Variants in DGKB observed in about 807,000 individuals in gnomAD.
DGKB encodes the protein diacylglycerol kinase beta.
Under a neutral mutation model 114.3 loss-of-function variants are expected in DGKB, and 67 were observed. That is an observed-to-expected ratio of 0.59 (90% CI 0.48 to 0.72). DGKB has a LOEUF of 0.72. Among genes scored for constraint, DGKB ranks in the 30% least tolerant of loss-of-function variants. The pLI is 0.00. For missense variants in DGKB, 907 were observed against 975.2 expected, an observed-to-expected ratio of 0.93 and a Z score of 0.93; for synonymous variants, 398 against 323.1, an observed-to-expected ratio of 1.23 and a Z score of -2.49.
At chr7:14,742,101 C>T (rs568149491) in intron 4 of DGKB, among the ~76,000 whole-genome samples, 1 of 152,054 alleles carries the variant, frequency 6.6e-6, no homozygotes, top group Non-Finnish European at 1.5e-5. Flanking sequence ...ATAATGTATT[C>T]CATTTTTGGA....
chr7:14,309,642 T>C (rs369359118), intron 23 of DGKB, among the ~76,000 whole-genome samples: 2 of 152,228 alleles, frequency 1.3e-5, no homozygotes, highest in East Asian at 3.8e-4. Context: ...TTTCACAAGA[T>C]AGTATCTTCT....
At chr7:14,952,703 G>T (rs1277113415) in intron 1 of DGKB, among the ~76,000 whole-genome samples, 2 of 151,986 alleles carry the variant, frequency 1.3e-5, no homozygotes, top group Non-Finnish European at 2.9e-5. Context: ...TTGCAGCAGT[G>T]AGCAGAGATC....
intron 12 of DGKB, 134 bp from the exon 13 acceptor site, chr7:14,673,161 GT>G: frequency 1.8e-6 from 1 of 563,842 alleles, no homozygotes; most frequent in Non-Finnish European, 3.1e-6. Flanking sequence ...AATAAACAGA[GT>G]CATAAAGGAA....
At chr7:14,226,535 G>A (rs1198138219) in intron 23 of DGKB, among the ~76,000 whole-genome samples, 1 of 151,778 alleles carries the variant, frequency 6.6e-6, no homozygotes, top group African/African-American at 2.4e-5. Context: ...ATTTTAATTG[G>A]CATTCTGCAA....
intron 1 of DGKB, among the ~76,000 whole-genome samples, chr7:14,850,054 A>T (rs747529509): frequency 2.0e-5 from 3 of 152,202 alleles, no homozygotes; most frequent in Non-Finnish European, 4.4e-5. Context: ...GTCAAAAAAG[A>T]CAACAGAAGA....
chr7:14,323,191 G>T (rs1215347460), intron 23 of DGKB, among the ~76,000 whole-genome samples: 1 of 152,076 alleles, frequency 6.6e-6, no homozygotes, highest in Non-Finnish European at 1.5e-5. Flanking sequence ...AAGGCCAGAT[G>T]CAAATCAATA....
intron 1 of DGKB, among the ~76,000 whole-genome samples, chr7:14,919,541 C>A (rs1368242807): frequency 6.6e-6 from 1 of 152,126 alleles, no homozygotes; most frequent in Admixed American, 6.5e-5. Flanking sequence ...TCATTGATAT[C>A]CCTTGGATAT....
Position 14,431,165 on chromosome 7 carries a change from T to G in DGKB, c.1835+46996A>C, listed in dbSNP as rs372955088. On this transcript the variant is annotated intron_variant, in intron 21 of 25. Transcript: ENST00000402815. ...TTGTTATGTGTGTAAGCCTTCCTTC[T>G]GCATGACTGATTGACTTTCTTCCCT... Among the ~76,000 whole-genome samples, 26 of 152,230 alleles carry G rather than the reference T, an allele frequency of 1.7e-4. 1 individual carries two copies. The East Asian group carries it at 4.9e-3, about 28-fold the overall frequency.
At chr7:14,583,213 TTTA>T (rs1478165743) in intron 17 of DGKB, 76 bp from the exon 18 acceptor site, 1 of 819,252 alleles carries the variant, frequency 1.2e-6, no homozygotes, top group Non-Finnish European at 1.9e-6. Context: ...TCATTAACAT[TTTA>T]CCCGATGAAA....
At chr7:14,757,835 G>C (rs1835114620) in intron 2 of DGKB, 104 bp from the exon 3 acceptor site, 2 of 548,236 alleles carry the variant, frequency 3.6e-6, no homozygotes, top group Non-Finnish European at 6.5e-6. Flanking sequence ...AGCATCAGCA[G>C]AAACTAAATT....
intron 13 of DGKB, among the ~76,000 whole-genome samples, chr7:14,631,263 CAAA>C (rs35088925): frequency 1.1e-4 from 11 of 98,380 alleles, no homozygotes; most frequent in Non-Finnish European, 1.8e-4. Context: ...CAGCAAGAAC[CAAA>C]AAAAAAAAAA....
At chr7:14,330,262 T>TA (rs1205313597) in intron 23 of DGKB, among the ~76,000 whole-genome samples, 1 of 151,926 alleles carries the variant, frequency 6.6e-6, no homozygotes, top group African/African-American at 2.4e-5. Context: ...AATTGATCAA[T>TA]AAACCATATA....
At chr7:14,854,716 C>T (rs544870528) in intron 1 of DGKB, among the ~76,000 whole-genome samples, 76 of 152,238 alleles carry the variant, frequency 5.0e-4, no homozygotes, top group African/African-American at 1.8e-3. Flanking sequence ...GGTATGAGGC[C>T]TGTGGGCTGG....
intron 21 of DGKB, among the ~76,000 whole-genome samples, chr7:14,475,231 T>TA (rs965006126): frequency 7.9e-5 from 12 of 152,198 alleles, no homozygotes; most frequent in Non-Finnish European, 1.6e-4. Flanking sequence ...TAGGAGTACT[T>TA]AAAAAAATCC....
chr7:14,644,495 T>A (rs1266726008), intron 13 of DGKB, among the ~76,000 whole-genome samples: 3 of 152,128 alleles, frequency 2.0e-5, no homozygotes, highest in Non-Finnish European at 4.4e-5. Flanking sequence ...GAATTCATGA[T>A]CTGAATGAGA....
chr7:14,262,482 T>A (rs1796926452), intron 23 of DGKB, among the ~76,000 whole-genome samples: 1 of 152,160 alleles, frequency 6.6e-6, no homozygotes. Flanking sequence ...CTTCAGACAT[T>A]GAATCTGCCT....
chr7:14,880,530 C>G (rs1352944658), intron 1 of DGKB, among the ~76,000 whole-genome samples: 1 of 152,126 alleles, frequency 6.6e-6, no homozygotes, highest in Non-Finnish European at 1.5e-5. Context: ...GCTAGTTACT[C>G]AAGATCAAGT....
intron 21 of DGKB, among the ~76,000 whole-genome samples, chr7:14,407,157 A>T (rs1824073307): frequency 6.6e-6 from 1 of 152,132 alleles, no homozygotes; most frequent in Non-Finnish European, 1.5e-5. Context: ...GACAGGGAGC[A>T]GCTGAAGAGA....
rs114951525 is a variant in DGKB at position 14,835,312 on chromosome 7, T to C, written c.70+5882A>G. On this transcript the variant is annotated intron_variant, in intron 2 of 25. Coordinates refer to ENST00000402815, the MANE Select transcript of DGKB (RefSeq NM_001350709.2). ...CATATTCAACTGCCTCAGCCACCACTATCACAATCCTAATTATAACAGTAA... is the reference window on the plus strand; with the variant it reads ...CATATTCAACTGCCTCAGCCACCACCATCACAATCCTAATTATAACAGTAA... Among the ~76,000 whole-genome samples, 699 of 152,338 alleles carry C rather than the reference T, an allele frequency of 4.6e-3. 3 individuals carry two copies. The highest frequency in any genetic ancestry group is 0.015 in the African/African-American group (624 of 41,582).
Sources: gnomAD v4.1 joint callset for allele counts (sites outside exome capture counted in the v4.1 genomes callset) on GRCh38, gnomAD v4.1.1 for gene constraint, MANE v1.5 for transcripts, NCBI Gene and HGNC (gene_info 2026-07-23, HGNC 2026-07-21) for gene names.